FHIT: variants seen among roughly 807,000 people sequenced by gnomAD.
FHIT encodes the protein bis(5'-adenosyl)-triphosphatase.
In FHIT, 19 loss-of-function variants were observed where a neutral mutation model predicts 17.9. That is an observed-to-expected ratio of 1.06 (90% confidence interval 0.74 to 1.56). The LOEUF (loss-of-function observed/expected upper bound fraction) is 1.56. Among genes scored for constraint, FHIT ranks in the 40% most tolerant of loss-of-function variants. The probability of loss-of-function intolerance (pLI) is 0.00; values close to 1 mark genes in which losing one functional copy is unlikely to be tolerated. For synonymous variants in FHIT, 81 were observed against 69.7 expected, an observed-to-expected ratio of 1.16 and a Z score of -0.81; for missense variants, 248 against 189.2, an observed-to-expected ratio of 1.31 and a Z score of -1.82.
At chr3:60,694,708 T>G (rs2107893691) in intron 4 of FHIT, among the ~76,000 whole-genome samples, 1 of 152,240 alleles carries the variant, frequency 6.6e-6, no homozygotes, top group South Asian at 2.1e-4. Flanking sequence ...ATATGGCACA[T>G]ATACACAATG....
chr3:61,216,163 A>C (rs1325911407), intron 1 of FHIT, among the ~76,000 whole-genome samples: 4 of 152,346 alleles, frequency 2.6e-5, no homozygotes, highest in South Asian at 2.1e-4. Context: ...TAAACTCAAG[A>C]GCTTCTGCAC....
At chr3:59,922,927 A>G (rs971055165) in intron 7 of FHIT, among the ~76,000 whole-genome samples, 3 of 152,134 alleles carry the variant, frequency 2.0e-5, no homozygotes, top group African/African-American at 7.2e-5. Context: ...TGATAAGGAA[A>G]GCTCTGTGTT....
At chr3:60,914,885 ACAC>A (rs1433327039) in intron 3 of FHIT, among the ~76,000 whole-genome samples, 1 of 152,250 alleles carries the variant, frequency 6.6e-6, no homozygotes, top group Non-Finnish European at 1.5e-5. Context: ...GTAGGAACTA[ACAC>A]TTTTGGTATT....
intron 8 of FHIT, among the ~76,000 whole-genome samples, chr3:59,792,879 G>GT (rs1559610727): frequency 6.8e-6 from 1 of 147,472 alleles, no homozygotes; most frequent in African/African-American, 2.5e-5. Flanking sequence ...TTTTGGGGGG[G>GT]GGGGTCATGA....
intron 8 of FHIT, among the ~76,000 whole-genome samples, chr3:59,795,347 G>A (rs904643783): frequency 2.0e-5 from 3 of 151,212 alleles, no homozygotes; most frequent in Non-Finnish European, 2.9e-5. Context: ...TTGTGCCATT[G>A]CACTCCAGCC....
intron 2 of FHIT, among the ~76,000 whole-genome samples, chr3:61,072,978 T>G (rs141725437): frequency 6.6e-6 from 1 of 152,100 alleles, no homozygotes; most frequent in Non-Finnish European, 1.5e-5. Flanking sequence ...AGGACCCAAT[T>G]TCTCTAATTT....
intron 4 of FHIT, among the ~76,000 whole-genome samples, chr3:60,574,782 T>G (rs1484191844): frequency 6.6e-6 from 1 of 151,974 alleles, no homozygotes; most frequent in African/African-American, 2.4e-5. Flanking sequence ...CTCCTTTCAG[T>G]CCTTCCGCTT....
At chr3:60,692,038 C>G (rs1274488669) in intron 4 of FHIT, among the ~76,000 whole-genome samples, 1 of 152,166 alleles carries the variant, frequency 6.6e-6, no homozygotes, top group African/African-American at 2.4e-5. Flanking sequence ...AAACATAAAT[C>G]TCTTACAGCT....
At chr3:60,745,400 A>G (rs1233042373) in intron 4 of FHIT, among the ~76,000 whole-genome samples, 1 of 152,176 alleles carries the variant, frequency 6.6e-6, no homozygotes, top group East Asian at 1.9e-4. Flanking sequence ...AATGCAAGGA[A>G]TAGAGTGATG....
intron 8 of FHIT, among the ~76,000 whole-genome samples, chr3:59,824,079 G>C (rs1700893216): frequency 6.6e-6 from 1 of 152,158 alleles, no homozygotes; most frequent in African/African-American, 2.4e-5. Context: ...CAAATCAAGA[G>C]CTCAACCCCT....
intron 4 of FHIT, among the ~76,000 whole-genome samples, chr3:60,807,934 AGGAATCATCCTCCAT>A (rs1380057225): frequency 2.0e-5 from 3 of 152,268 alleles, no homozygotes; most frequent in African/African-American, 7.2e-5. Flanking sequence ...CCTCACTAGC[AGGAATCATCCTCCAT>A]GGATCAGGAG....
At chr3:60,877,137 A>T (rs371962407) in intron 3 of FHIT, among the ~76,000 whole-genome samples, 5 of 152,296 alleles carry the variant, frequency 3.3e-5, no homozygotes, top group African/African-American at 1.2e-4. Context: ...AGGAACTAAT[A>T]CTGTGCTCTA....
intron 5 of FHIT, among the ~76,000 whole-genome samples, chr3:60,477,478 G>T (rs1173594775): frequency 1.3e-5 from 2 of 152,088 alleles, no homozygotes; most frequent in African/African-American, 4.8e-5. Context: ...TATGCATACT[G>T]AATGTGTACT....
At chr3:60,667,235 G>T (rs2040402874) in intron 4 of FHIT, among the ~76,000 whole-genome samples, 1 of 151,580 alleles carries the variant, frequency 6.6e-6, no homozygotes, top group African/African-American at 2.4e-5. Context: ...CCAATGACAT[G>T]AATGTTGGGC....
At chr3:60,677,532 TAC>T (rs1553695674) in intron 4 of FHIT, among the ~76,000 whole-genome samples, 5 of 152,222 alleles carry the variant, frequency 3.3e-5, no homozygotes, top group Non-Finnish European at 1.5e-5. Context: ...TATACATATA[TAC>T]ACACACATAT....
At chr3:59,808,511 C>T (rs896726101) in intron 8 of FHIT, among the ~76,000 whole-genome samples, 5 of 152,184 alleles carry the variant, frequency 3.3e-5, no homozygotes, top group Non-Finnish European at 5.9e-5. Context: ...CAACCACGTC[C>T]ACTCCTTTTG....
At chr3:60,186,161 AT>A (rs1702148530) in intron 5 of FHIT, among the ~76,000 whole-genome samples, 1 of 151,522 alleles carries the variant, frequency 6.6e-6, no homozygotes, top group Non-Finnish European at 1.5e-5. Context: ...GTAACTTACG[AT>A]TTTTTTCATG....
intron 5 of FHIT, among the ~76,000 whole-genome samples, chr3:60,337,822 T>G (rs1001605755): frequency 6.6e-6 from 1 of 152,148 alleles, no homozygotes; most frequent in African/African-American, 2.4e-5. Context: ...CTTGGGGGAC[T>G]GGAATGTCTG....
At chr3:60,897,133 C>T (rs1705862614) in intron 3 of FHIT, among the ~76,000 whole-genome samples, 1 of 152,180 alleles carries the variant, frequency 6.6e-6, no homozygotes, top group South Asian at 2.1e-4. Context: ...CAGGGATCTT[C>T]CTCATCCTAT....
Sources: allele counts gnomAD v4.1 joint callset (sites outside exome capture counted in the v4.1 genomes callset), GRCh38; gene constraint gnomAD v4.1.1; transcripts MANE v1.5; gene names NCBI Gene and HGNC (gene_info 2026-07-23, HGNC 2026-07-21).